CCSER1: variants seen among roughly 807,000 people sequenced by gnomAD.
The protein encoded by CCSER1 is coiled-coil serine rich protein 1.
A neutral mutation model predicts 82.0 loss-of-function variants in CCSER1; 41 were observed. The ratio of observed to expected loss-of-function variants is 0.50; its 90% CI spans 0.39 to 0.65. The LOEUF (loss-of-function observed/expected upper bound fraction) is 0.65. Among genes scored for constraint, CCSER1 ranks in the 30% least tolerant of loss-of-function variants. The probability of loss-of-function intolerance (pLI) is 0.00; values close to 1 mark genes in which losing one functional copy is unlikely to be tolerated. For missense variants in CCSER1, 1,119 were observed against 1,064.2 expected (o/e 1.05, Z -0.72); for synonymous variants, 414 against 383.9 (o/e 1.08, Z -0.92).
rs762021554 is a variant in CCSER1 at position 91,602,149 on chromosome 4, A to T, written c.*3092A>T. On this transcript the variant is annotated 3_prime_UTR_variant, in exon 11 of 11. Transcript: ENST00000509176. ...AGTTATTTTTGTTATCTAATGATTG[A>T]CATGAAAATAAAATAGTAAGCCAAT... is the stretch of plus-strand genomic sequence containing the variant. Among the ~76,000 whole-genome samples, 1 of 152,030 alleles carries T rather than the reference A, an allele frequency of 6.6e-6. No homozygotes were observed. The highest frequency in any genetic ancestry group is 1.5e-5 in the Non-Finnish European group (1 of 67,930).
chr4:90,872,331 C>T (rs1387875509), intron 8 of CCSER1, among the ~76,000 whole-genome samples: 1 of 151,670 alleles, frequency 6.6e-6, no homozygotes, highest in African/African-American at 2.4e-5. Context: ...GGTATGATTA[C>T]ATTTCTTGCT....
At chr4:90,133,621 C>G (rs745876465) in intron 1 of CCSER1, among the ~76,000 whole-genome samples, 3 of 152,148 alleles carry the variant, frequency 2.0e-5, no homozygotes, top group Admixed American at 6.5e-5. Context: ...TCCTGTATCA[C>G]CTTTATACCA....
At chr4:91,255,379 T>C (rs1048291296) in intron 10 of CCSER1, among the ~76,000 whole-genome samples, 3 of 152,194 alleles carry the variant, frequency 2.0e-5, no homozygotes, top group African/African-American at 7.2e-5. Flanking sequence ...CTTATTACTA[T>C]TATTATTGAG....
chr4:91,399,801 G>C (rs1263279554), intron 10 of CCSER1, among the ~76,000 whole-genome samples: 5 of 151,934 alleles, frequency 3.3e-5, no homozygotes, highest in Non-Finnish European at 7.4e-5. Flanking sequence ...GTCCAAATTT[G>C]TAATATGTGA....
At chr4:90,260,840 C>A (rs184498043) in intron 1 of CCSER1, among the ~76,000 whole-genome samples, 1 of 152,126 alleles carries the variant, frequency 6.6e-6, no homozygotes, top group East Asian at 1.9e-4. Flanking sequence ...CTCAGCCTCC[C>A]GAGTAGCTAG....
chr4:90,833,168 T>G (rs1580694586), intron 8 of CCSER1, among the ~76,000 whole-genome samples: 1 of 152,286 alleles, frequency 6.6e-6, no homozygotes, highest in Non-Finnish European at 1.5e-5. Flanking sequence ...CAGTGTTTGG[T>G]GAGGGCTTTT....
At chr4:90,672,503 G>A (rs994283056) in intron 6 of CCSER1, among the ~76,000 whole-genome samples, 2 of 151,990 alleles carry the variant, frequency 1.3e-5, no homozygotes, top group Non-Finnish European at 2.9e-5. Context: ...GTTATGGCTG[G>A]TTTGATCTTC....
intron 1 of CCSER1, among the ~76,000 whole-genome samples, chr4:90,185,071 C>T (rs1434292778): frequency 1.3e-5 from 2 of 152,092 alleles, no homozygotes; most frequent in African/African-American, 4.8e-5. Flanking sequence ...CCATCAGTGT[C>T]ACTCGCTGTT....
At chr4:90,968,774 A>T (rs1734810171) in intron 9 of CCSER1, among the ~76,000 whole-genome samples, 1 of 151,950 alleles carries the variant, frequency 6.6e-6, no homozygotes, top group East Asian at 1.9e-4. Flanking sequence ...GAACACAAAA[A>T]CTCAAGGAAA....
At chr4:90,674,753 T>C (rs376861293) in intron 6 of CCSER1, among the ~76,000 whole-genome samples, 6 of 151,782 alleles carry the variant, frequency 4.0e-5, no homozygotes, top group African/African-American at 1.5e-4. Context: ...GCTTCTCTCC[T>C]TTTTTTATAG....
chr4:90,780,641 A>G lies in CCSER1; in HGVS notation c.2011-35121A>G, dbSNP rs903928760. The G allele has an allele frequency of 5.8e-6, 8 of 1,370,200 alleles. No homozygotes were observed. The South Asian group carries it at 6.1e-5, about 10-fold the overall frequency. The allele number at this position is 1,370,200 out of a possible 1,614,324, so 84.9% of individuals were successfully genotyped here. On this transcript the variant is annotated intron_variant, in intron 7 of 10. Transcript: ENST00000509176. Reference sequence around the variant, plus strand: ...TAGGCTTTTCTATATCATTATATTCATTCAAATGATTCTCTTAAAATAATA... The same window carrying G: ...TAGGCTTTTCTATATCATTATATTCGTTCAAATGATTCTCTTAAAATAATA...
At chr4:91,358,799 T>C (rs975243169) in intron 10 of CCSER1, among the ~76,000 whole-genome samples, 1 of 152,104 alleles carries the variant, frequency 6.6e-6, no homozygotes, top group Non-Finnish European at 1.5e-5. Flanking sequence ...GGTGTTCCAC[T>C]GGGGCAGTTT....
chr4:91,264,265 C>A (rs1167734126), intron 10 of CCSER1, among the ~76,000 whole-genome samples: 1 of 151,610 alleles, frequency 6.6e-6, no homozygotes, highest in Non-Finnish European at 1.5e-5. Context: ...ATGTTTCCCA[C>A]AATTTTATCA....
At chr4:90,337,960 C>T (rs937042705) in intron 3 of CCSER1, among the ~76,000 whole-genome samples, 2 of 152,152 alleles carry the variant, frequency 1.3e-5, no homozygotes, top group Non-Finnish European at 2.9e-5. Flanking sequence ...TTAGCCCACA[C>T]ATAGATATGT....
At chr4:91,088,056 T>G (rs1723561588) in intron 10 of CCSER1, among the ~76,000 whole-genome samples, 1 of 152,154 alleles carries the variant, frequency 6.6e-6, no homozygotes, top group Non-Finnish European at 1.5e-5. Flanking sequence ...TGTATCTAAT[T>G]TCCATTTGTT....
At chr4:91,171,158 C>T (rs970179007) in intron 10 of CCSER1, among the ~76,000 whole-genome samples, 5 of 152,054 alleles carry the variant, frequency 3.3e-5, no homozygotes, top group Admixed American at 6.6e-5. Flanking sequence ...CAAAACAGGG[C>T]TCTAAAGCTA....
At position 91,590,026 on chromosome 4, in the gene CCSER1, G is replaced by T. The variant is rs561345669; in HGVS notation, c.2218-8546G>T. Among the ~76,000 whole-genome samples, 7 of 152,136 alleles carry T rather than the reference G, an allele frequency of 4.6e-5. No individual in the cohort carries two copies. In the East Asian group the frequency reaches 1.4e-3, roughly 29 times the overall value. Reference sequence around the variant, plus strand: ...ACAGAACAGTCAAAACATATGCCTAGTGGCTTCTGGGAAAACTGTTGTATG... The same window carrying T: ...ACAGAACAGTCAAAACATATGCCTATTGGCTTCTGGGAAAACTGTTGTATG... On this transcript the variant is annotated intron_variant, in intron 10 of 10. Transcript: ENST00000509176.
At chr4:90,916,844 G>A (rs1727517247) in intron 8 of CCSER1, among the ~76,000 whole-genome samples, 1 of 152,100 alleles carries the variant, frequency 6.6e-6, no homozygotes, top group Non-Finnish European at 1.5e-5. Flanking sequence ...CCATCAAAAA[G>A]TGGGCAAAGG....
chr4:91,579,828 T>G (rs892212322), intron 10 of CCSER1, among the ~76,000 whole-genome samples: 1 of 151,868 alleles, frequency 6.6e-6, no homozygotes, highest in African/African-American at 2.4e-5. Flanking sequence ...CAGTCTTTAC[T>G]TTTCCTTTGT....
Sources: allele counts gnomAD v4.1 joint callset (sites outside exome capture counted in the v4.1 genomes callset), GRCh38; gene constraint gnomAD v4.1.1; transcripts MANE v1.5; gene names NCBI Gene and HGNC (gene_info 2026-07-23, HGNC 2026-07-21).